METTL16: variants seen among roughly 807,000 people sequenced by gnomAD.
The protein encoded by METTL16 is RNA N(6)-adenosine-methyltransferase METTL16.
METTL16 carries 19 observed loss-of-function variants against 57.9 expected under a neutral mutation model. That is an observed-to-expected ratio of 0.33 (90% CI 0.23 to 0.48). METTL16 has a LOEUF of 0.48. Among genes scored for constraint, METTL16 ranks in the 20% least tolerant of loss-of-function variants. The pLI is 0.99. For missense variants in METTL16, 434 were observed against 691.5 expected (o/e 0.63, Z 4.18); for synonymous variants, 246 against 255.6 (o/e 0.96, Z 0.36).
intron 8 of METTL16, among the ~76,000 whole-genome samples, chr17:2,430,983 T>C (rs769098945): frequency 1.3e-5 from 2 of 152,022 alleles, no homozygotes; most frequent in African/African-American, 2.4e-5. Context: ...CTCGCTCTTG[T>C]TGCCCAGGCT....
chr17:2,472,049 G>C (rs1023048295), intron 4 of METTL16, among the ~76,000 whole-genome samples: 15 of 151,734 alleles, frequency 9.9e-5, no homozygotes, highest in African/African-American at 3.4e-4. Flanking sequence ...AGGAGGCAGA[G>C]GTTGCAGTGA....
Position 2,418,934 on chromosome 17 carries a change from T to C in METTL16, c.*1036A>G, listed in dbSNP as rs1422811518. On this transcript the variant is annotated 3_prime_UTR_variant, in exon 10 of 10. Coordinates refer to ENST00000263092, the MANE Select transcript of METTL16 (RefSeq NM_024086.4). ...GGCTACTGAACCCTGGCATTCCAATTAGAAACGTGTTTCAAGGACACAGTT... is the reference window on the plus strand; with the variant it reads ...GGCTACTGAACCCTGGCATTCCAATCAGAAACGTGTTTCAAGGACACAGTT... The C allele has an allele frequency of 6.6e-6, 1 of 152,162 alleles. No individual in the cohort carries two copies. The highest frequency in any genetic ancestry group is 6.5e-5 in the Admixed American group (1 of 15,272). The allele number at this position is 152,162 out of a possible 1,614,324, so 9.4% of individuals were successfully genotyped here.
intron 1 of METTL16, among the ~76,000 whole-genome samples, chr17:2,507,123 G>A (rs1214237871): frequency 9.3e-5 from 14 of 151,236 alleles, no homozygotes; most frequent in African/African-American, 3.2e-4. Context: ...GAGGTGAGGG[G>A]CACCTCTGCC....
chr17:2,429,083 C>A (rs1389775053), intron 8 of METTL16, among the ~76,000 whole-genome samples: 1 of 152,072 alleles, frequency 6.6e-6, no homozygotes, highest in Non-Finnish European at 1.5e-5. Flanking sequence ...GTCTCGAACT[C>A]CCGACCTCAG....
intron 2 of METTL16, among the ~76,000 whole-genome samples, chr17:2,492,024 A>G (rs2067398503): frequency 6.6e-6 from 1 of 151,290 alleles, no homozygotes; most frequent in African/African-American, 2.4e-5. Flanking sequence ...ATCCTGGCTA[A>G]CACGGTGAAA....
At chr17:2,504,614 A>G (rs1306382350) in intron 1 of METTL16, among the ~76,000 whole-genome samples, 1 of 152,176 alleles carries the variant, frequency 6.6e-6, no homozygotes, top group East Asian at 1.9e-4. Context: ...GGAGTGCAGT[A>G]GCACAATCAT....
At chr17:2,509,369 C>A (rs890815668) in intron 1 of METTL16, among the ~76,000 whole-genome samples, 3 of 152,100 alleles carry the variant, frequency 2.0e-5, no homozygotes, top group African/African-American at 7.2e-5. Context: ...CATTGACATA[C>A]CCTTTACTGA....
At chr17:2,437,542 T>A (rs1390436462) in intron 8 of METTL16, among the ~76,000 whole-genome samples, 2 of 124,648 alleles carry the variant, frequency 1.6e-5, no homozygotes, top group Non-Finnish European at 3.9e-5. Flanking sequence ...TTAAAAAAAT[T>A]TTTATTTATT....
At chr17:2,465,444 G>T (rs2067185640) in intron 5 of METTL16, among the ~76,000 whole-genome samples, 2 of 151,574 alleles carry the variant, frequency 1.3e-5, no homozygotes, top group South Asian at 4.2e-4. Context: ...CTACTCGGGG[G>T]GCTGAGGCAG....
intron 8 of METTL16, among the ~76,000 whole-genome samples, chr17:2,427,090 G>C (rs533026629): frequency 6.6e-6 from 1 of 152,176 alleles, no homozygotes; most frequent in Non-Finnish European, 1.5e-5. Context: ...GGCCTGCAGT[G>C]AGCCGACATC....
chr17:2,441,564 G>GA lies in METTL16; in HGVS notation c.729-6dup, dbSNP rs748982090. On this transcript the variant is annotated splice_polypyrimidine_tract_variant and splice_region_variant and intron_variant, in intron 6 of 9. Coordinates refer to ENST00000263092, the MANE Select transcript of METTL16 (RefSeq NM_024086.4). ...CCCAGCATGCAGCTATACCATCTAG[G>GA]AAAAAAAAAATCAGACAAGTAAATA... 4.2e-3 allele frequency: 5,942 copies of GA among 1,403,634 alleles called. No homozygotes were observed. The highest frequency in any genetic ancestry group is 8.0e-3 in the South Asian group (564 of 70,678). The allele number at this position is 1,403,634 out of a possible 1,614,324, so 86.9% of individuals were successfully genotyped here. A position where few individuals can be genotyped will look rare whatever the true frequency, so the allele number is the denominator to read the frequency against.
At chr17:2,487,466 G>C (rs2067352284) in intron 2 of METTL16, among the ~76,000 whole-genome samples, 1 of 152,222 alleles carries the variant, frequency 6.6e-6, no homozygotes, top group Non-Finnish European at 1.5e-5. Flanking sequence ...TCATTACAGA[G>C]GAAGTTCCAC....
intron 1 of METTL16, among the ~76,000 whole-genome samples, chr17:2,508,123 TAAAA>T (rs66655664): frequency 6.9e-6 from 1 of 144,300 alleles, no homozygotes; most frequent in South Asian, 2.2e-4. Context: ...GAATGATCAA[TAAAA>T]AAAAAAAAAA....
chr17:2,437,031 G>A (rs1276563924), intron 8 of METTL16, among the ~76,000 whole-genome samples: 2 of 151,840 alleles, frequency 1.3e-5, no homozygotes, highest in Non-Finnish European at 2.9e-5. Flanking sequence ...ACAGGCATGC[G>A]CCATCAAAAT....
chr17:2,463,650 C>T (rs979141728), intron 6 of METTL16, among the ~76,000 whole-genome samples: 4 of 151,788 alleles, frequency 2.6e-5, no homozygotes, highest in East Asian at 2.0e-4. Context: ...TTAGTAGAGA[C>T]AGGGTTTCAC....
intron 6 of METTL16, 121 bp downstream of exon 6, chr17:2,464,087 C>T (rs903807926): frequency 3.3e-5 from 34 of 1,027,976 alleles, no homozygotes; most frequent in South Asian, 6.8e-5. Flanking sequence ...CACGCCACTG[C>T]ACTCCAGCCT....
intron 2 of METTL16, among the ~76,000 whole-genome samples, chr17:2,480,835 T>G (rs182313366): frequency 3.1e-4 from 47 of 152,348 alleles, no homozygotes; most frequent in African/African-American, 1.1e-3. Flanking sequence ...CATTTGGCAA[T>G]CGCCATGCTA....
At position 2,459,029 on chromosome 17, in the gene METTL16, A is replaced by C. The variant is rs60112190; in HGVS notation, c.728+5179T>G. ...GCCATGTGGCCCAGGCTGGTCTTGA[A>C]CTCCTGGGCTCAAGTGATCCACCAA... On this transcript the variant is annotated intron_variant, in intron 6 of 9. Transcript: ENST00000263092. 3.2e-3 allele frequency among the ~76,000 whole-genome samples: 483 copies of C among 150,902 alleles called. 17 individuals are homozygous for C. The East Asian group carries it at 0.087, about 27-fold the overall frequency.
At chr17:2,433,442 C>CA (rs34936214) in intron 8 of METTL16, among the ~76,000 whole-genome samples, 42,077 of 152,116 alleles carry the variant, frequency 0.28, 9,834 homozygotes, top group African/African-American at 0.64. Context: ...AGGATGAATC[C>CA]AGTCACTCGC....
Sources: allele counts gnomAD v4.1 joint callset (sites outside exome capture counted in the v4.1 genomes callset), GRCh38; gene constraint gnomAD v4.1.1; transcripts MANE v1.5; gene names NCBI Gene and HGNC (gene_info 2026-07-23, HGNC 2026-07-21).